The following CGA variants were observed in gnomAD, a reference collection of about 807,000 sequenced individuals.
CGA encodes the protein glycoprotein hormones alpha chain.
CGA carries 4 observed loss-of-function variants against 12.0 expected under a neutral mutation model. The observed-to-expected ratio is 0.33, with a 90% CI of 0.16 to 0.76. The LOEUF (loss-of-function observed/expected upper bound fraction) is 0.76. Ranked by LOEUF, CGA falls within the 30% of genes least tolerant of loss-of-function variation. CGA has a pLI of 0.60. For missense variants in CGA, 102 were observed against 143.5 expected (o/e 0.71, Z 1.48); for synonymous variants, 60 against 56.6 (o/e 1.06, Z -0.27).
intron 1 of CGA, among the ~76,000 whole-genome samples, chr6:87,093,265 T>C (rs1769474330): frequency 3.3e-5 from 5 of 152,218 alleles, no homozygotes; most frequent in Admixed American, 3.3e-4. Flanking sequence ...ATCCATGTCC[T>C]CCTTTATAAC....
chr6:87,090,137 T>A (rs916358377), intron 1 of CGA, among the ~76,000 whole-genome samples: 2 of 152,200 alleles, frequency 1.3e-5, no homozygotes, highest in Admixed American at 1.3e-4. Flanking sequence ...TATTTATATG[T>A]AAGTAATTTT....
At chr6:87,092,742 C>CTTTTTTTTT in intron 1 of CGA, among the ~76,000 whole-genome samples, 1 of 78,040 alleles carries the variant, frequency 1.3e-5, no homozygotes, top group Non-Finnish European at 2.3e-5. Context: ...CATTAGCTTT[C>CTTTTTTTTT]TTTTTTTTTT....
At position 87,085,642 on chromosome 6, in the gene CGA, A is replaced by G; in HGVS notation, c.*114T>C. 2 of 730,946 alleles carry G rather than the reference A, an allele frequency of 2.7e-6. No homozygotes were observed. Among genetic ancestry groups the G allele is most frequent in the South Asian group, 3.2e-5 (2 of 62,826 alleles). The allele number at this position is 730,946 out of a possible 1,614,324, so 45.3% of individuals were successfully genotyped here. ...TGCAGTATATCCTTGAAGCGTGTCA[A>G]AGTGGTATGGTAAGGAAAAGGAGAG... On this transcript the variant is annotated 3_prime_UTR_variant, in exon 4 of 4. Transcript: ENST00000627148.
chr6:87,091,535 T>A, intron 1 of CGA, among the ~76,000 whole-genome samples: 1 of 152,228 alleles, frequency 6.6e-6, no homozygotes, highest in Admixed American at 6.5e-5. Flanking sequence ...CTCAGCTTCT[T>A]TTGGTATTTC....
intron 3 of CGA, 24 bp from the exon 4 acceptor site, chr6:87,085,857 A>C: frequency 1.4e-6 from 2 of 1,432,868 alleles, no homozygotes; most frequent in Non-Finnish European, 2.0e-6. Flanking sequence ...AAAAAAAAAC[A>C]TATTATAGAT....
In CGA at chr6:87,091,628, C is replaced by T. The variant is rs368908633; in HGVS notation, c.-8+3385G>A. ...AATACACACCAACATACCCTTATAT[C>T]CCATCACCCACCACATCAAGATAAT... On this transcript the variant is annotated intron_variant, in intron 1 of 3. Transcript: ENST00000627148. 4.6e-5 allele frequency among the ~76,000 whole-genome samples: 7 copies of T among 152,290 alleles called. No individual in the cohort carries two copies. The East Asian group carries it at 9.6e-4, about 21-fold the overall frequency.
Position 87,085,781 on chromosome 6 carries a change from C to T in CGA, c.326G>A (p.Ser109Asn). The T allele has an allele frequency of 1.2e-6, 2 of 1,612,408 alleles. No homozygotes were observed. Among genetic ancestry groups the T allele is most frequent in the Non-Finnish European group, 1.7e-6 (2 of 1,178,714 alleles). The change falls in exon 4 of 4, where the codon AGT becomes AAT. Residue 109 changes from serine (S) to asparagine (N), a missense_variant. Physicochemically the swap from Ser to Asn is conservative, Grantham distance 46. Transcript: ENST00000627148. ...TTAAGATTTGTGATAATAACAAGTA[C>T]TGCAGTGGCACGCCGTGTGGTTCTC... ...KVENHTACHC[S>N]TCYYHKS
At chr6:87,092,934 G>A (rs1017755477) in intron 1 of CGA, among the ~76,000 whole-genome samples, 3 of 151,642 alleles carry the variant, frequency 2.0e-5, no homozygotes, top group Non-Finnish European at 4.4e-5. Context: ...GGTTTTTTGT[G>A]TTTGTTTTTT....
intron 1 of CGA, among the ~76,000 whole-genome samples, chr6:87,093,866 T>G (rs1039234457): frequency 4.9e-4 from 75 of 152,232 alleles, no homozygotes; most frequent in Non-Finnish European, 4.6e-4. Context: ...CACTTAAAAT[T>G]TCAATGACTC....
chr6:87,086,252 T>A lies in CGA; in HGVS notation c.271A>T (p.Arg91Trp). 1 of 1,610,128 alleles carries A rather than the reference T, an allele frequency of 6.2e-7. No individual in the cohort carries two copies. The highest frequency in any genetic ancestry group is 8.5e-7 in the Non-Finnish European group (1 of 1,178,584). ...STCCVAKSYN[R>W]VTVMGGFKVE... ...TCTGGGGATCTTGAGGTTCTTACCC[T>A]GTTATATGATTTAGCTACACAGCAA... is the stretch of plus-strand genomic sequence containing the variant. Residue 91 changes from arginine (R) to tryptophan (W), a missense_variant and splice_region_variant, in exon 3 of 4, where the codon AGG becomes TGG. Transcript: ENST00000627148.
intron 2 of CGA, among the ~76,000 whole-genome samples, chr6:87,087,093 G>A (rs1351596250): frequency 6.6e-6 from 1 of 152,042 alleles, no homozygotes. Flanking sequence ...GAAAAGGCAA[G>A]GCAAGACAAG....
chr6:87,086,701 G>A lies in CGA; in HGVS notation c.89-267C>T, dbSNP rs539692654. 280 of 341,552 alleles carry A rather than the reference G, an allele frequency of 8.2e-4. 3 individuals carry two copies. The South Asian group carries it at 0.012, about 15-fold the overall frequency. The allele number at this position is 341,552 out of a possible 1,614,324, so 21.2% of individuals were successfully genotyped here. On this transcript the variant is annotated intron_variant, in intron 2 of 3. Coordinates refer to ENST00000627148, the MANE Select transcript of CGA (RefSeq NM_000735.4). ...CTTGAGGGTCTGGGGCAGAAGAATCGCTTGAAGCTGGGAGGTCGAGGCTAC... is the reference window on the plus strand; with the variant it reads ...CTTGAGGGTCTGGGGCAGAAGAATCACTTGAAGCTGGGAGGTCGAGGCTAC...
intron 1 of CGA, among the ~76,000 whole-genome samples, chr6:87,092,615 A>T (rs569455421): frequency 1.9e-3 from 282 of 152,016 alleles, no homozygotes; most frequent in Non-Finnish European, 3.3e-3. Flanking sequence ...AGAAAGAAAG[A>T]GAGAGAGAAA....
At chr6:87,087,379 AAC>A (rs1261709568) in intron 2 of CGA, among the ~76,000 whole-genome samples, 1 of 152,224 alleles carries the variant, frequency 6.6e-6, no homozygotes, top group African/African-American at 2.4e-5. Flanking sequence ...GCCTAGAGGA[AAC>A]ACAAAACTTG....
chr6:87,090,079 G>A (rs572977673), intron 1 of CGA, among the ~76,000 whole-genome samples: 18 of 152,114 alleles, frequency 1.2e-4, no homozygotes, highest in Non-Finnish European at 2.4e-4. Context: ...GATTGTGTAA[G>A]TATGAAGGCT....
chr6:87,086,367 G>A lies in CGA; in HGVS notation c.156C>T (p.Cys52=). Residue 52 remains cysteine, a synonymous_variant, in exon 3 of 4, where the codon TGC becomes TGT. Coordinates refer to ENST00000627148, the MANE Select transcript of CGA (RefSeq NM_000735.4). The part of the protein sequence containing the change: ...FSQPGAPILQ[C]MGCCFSRAYP... The stretch of plus-strand genomic sequence containing the variant: ...ATGCTCTAGAGAAGCAGCAGCCCAT[G>A]CACTGAAGTATTGGGGCACCCGGCT... 1 of 1,613,904 alleles carries A rather than the reference G, an allele frequency of 6.2e-7. No individual in the cohort carries two copies. The highest frequency in any genetic ancestry group is 8.5e-7 in the Non-Finnish European group (1 of 1,179,918).
chr6:87,088,330 C>CCTG, intron 1 of CGA, 123 bp from the exon 2 acceptor site: 1 of 490,384 alleles, frequency 2.0e-6, no homozygotes, highest in South Asian at 3.8e-5. Flanking sequence ...GTGTCTTGAC[C>CCTG]TCCCTGCTTT....
rs143936978 is a variant in CGA at position 87,086,116 on chromosome 6, A to G, written c.273+134T>C. On this transcript the variant is annotated intron_variant, in intron 3 of 3. Coordinates refer to ENST00000627148, the MANE Select transcript of CGA (RefSeq NM_000735.4). ...TCTTTTAATTAATGGGTAGAAATGT[A>G]TTCCCCACCTGTACAAATGCTCGAC... is the stretch of plus-strand genomic sequence containing the variant. 1.9e-5 allele frequency: 15 copies of G among 780,834 alleles called. 1 individual carries two copies. The African/African-American group carries it at 2.3e-4, about 12-fold the overall frequency. The allele number at this position is 780,834 out of a possible 1,614,324, so 48.4% of individuals were successfully genotyped here. A position where few individuals can be genotyped will look rare whatever the true frequency, so the allele number is the denominator to read the frequency against.
Position 87,095,063 on chromosome 6 carries a change from C to G in CGA, c.-58G>C, listed in dbSNP as rs752137722. ...TGTTCAGGGCGGTTGACTGTGGATC[C>G]GAAGAGGGATTTTAGCTTCGTCTTA... On this transcript the variant is annotated 5_prime_UTR_variant, in exon 1 of 4. Transcript: ENST00000627148. 1.3e-5 allele frequency: 2 copies of G among 152,138 alleles called. No homozygotes were observed. Among genetic ancestry groups the G allele is most frequent in the Non-Finnish European group, 2.9e-5 (2 of 68,032 alleles). The allele number at this position is 152,138 out of a possible 1,614,324, so 9.4% of individuals were successfully genotyped here. A position where few individuals can be genotyped will look rare whatever the true frequency, so the allele number is the denominator to read the frequency against.
Sources: gnomAD v4.1 joint callset for allele counts (sites outside exome capture counted in the v4.1 genomes callset) on GRCh38, gnomAD v4.1.1 for gene constraint, MANE v1.5 for transcripts, NCBI Gene and HGNC (gene_info 2026-07-23, HGNC 2026-07-21) for gene names.